Variants in SLCO6A1 observed in about 807,000 individuals in gnomAD.
SLCO6A1 encodes the protein cancer/testis antigen 48.
A neutral mutation model predicts 72.7 loss-of-function variants in SLCO6A1; 65 were observed. That is an observed-to-expected ratio of 0.89 (90% confidence interval 0.73 to 1.10). The LOEUF is 1.10. SLCO6A1 is among the 50% of genes least tolerant of loss of function. SLCO6A1 has a pLI of 0.00. For synonymous variants in SLCO6A1, 314 were observed against 298.2 expected (o/e 1.05, Z -0.55); for missense variants, 874 against 872.6 (o/e 1.00, Z -0.02).
In SLCO6A1 at chr5:102,419,934, A is replaced by T. The variant is rs549494351; in HGVS notation, c.1364T>A (p.Met455Lys). 1.2e-6 allele frequency: 2 copies of T among 1,609,210 alleles called. No homozygotes were observed. Among genetic ancestry groups the T allele is most frequent in the African/African-American group, 2.7e-5 (2 of 74,742 alleles). The change falls in exon 8 of 14, where the codon ATG becomes AAG. Residue 455 changes from methionine to lysine, a missense_variant. Coordinates refer to ENST00000506729, the MANE Select transcript of SLCO6A1 (RefSeq NM_173488.5). ...STLEMSCKAL[M>K]RFIMVTSVIS... ...CACAGATGTAACCATTATAAATCTC[A>T]TAAGGGCTTTACAAGACATTTCTAA...
intron 1 of SLCO6A1, among the ~76,000 whole-genome samples, chr5:102,498,028 T>A (rs1264296397): frequency 6.6e-6 from 1 of 152,012 alleles, no homozygotes; most frequent in Non-Finnish European, 1.5e-5. Context: ...AGTTCTGCCA[T>A]CCCACCCAGG....
At chr5:102,464,190 G>A (rs1344873143) in intron 4 of SLCO6A1, among the ~76,000 whole-genome samples, 1 of 151,624 alleles carries the variant, frequency 6.6e-6, no homozygotes, top group East Asian at 1.9e-4. Context: ...AAAAACTATC[G>A]AAATAAAAAA....
intron 3 of SLCO6A1, among the ~76,000 whole-genome samples, chr5:102,476,659 A>G (rs941129890): frequency 4.6e-5 from 7 of 152,096 alleles, no homozygotes; most frequent in Admixed American, 1.3e-4. Flanking sequence ...TATATAATTC[A>G]TTATACTTTA....
In SLCO6A1 at chr5:102,489,142, C is replaced by T. The variant is rs572139596; in HGVS notation, c.359-8708G>A. Among the ~76,000 whole-genome samples, 318 of 152,284 alleles carry T rather than the reference C, an allele frequency of 2.1e-3. 3 individuals are homozygous for T. The highest frequency in any genetic ancestry group is 7.3e-3 in the African/African-American group (302 of 41,550). ...ATGCTCAAGAGCTTCTGCAATAGTT[C>T]CCAAGAGCTGCATCAGCCTGCAGGA... On this transcript the variant is annotated intron_variant, in intron 1 of 13. Coordinates refer to ENST00000506729, the MANE Select transcript of SLCO6A1 (RefSeq NM_173488.5).
rs532570359 is a variant in SLCO6A1 at position 102,485,548 on chromosome 5, T to C, written c.359-5114A>G. Among the ~76,000 whole-genome samples the C allele has an allele frequency of 2.6e-5, 4 of 152,320 alleles. No homozygotes were observed. The South Asian group carries it at 8.3e-4, about 32-fold the overall frequency. On this transcript the variant is annotated intron_variant, in intron 1 of 13. Coordinates refer to ENST00000506729, the MANE Select transcript of SLCO6A1 (RefSeq NM_173488.5). Reference sequence around the variant, plus strand: ...CAGAGGTTTTGCATGCCTACATGACTGACAGAAAAACCCTGACCATGAAGG... The same window carrying C: ...CAGAGGTTTTGCATGCCTACATGACCGACAGAAAAACCCTGACCATGAAGG...
intron 1 of SLCO6A1, among the ~76,000 whole-genome samples, chr5:102,497,939 C>T (rs948457095): frequency 6.6e-6 from 1 of 152,146 alleles, no homozygotes. Context: ...AAAACCGAAG[C>T]TCGGTGCTTG....
intron 1 of SLCO6A1, among the ~76,000 whole-genome samples, chr5:102,485,157 A>G (rs1390274771): frequency 6.6e-6 from 1 of 152,114 alleles, no homozygotes; most frequent in Non-Finnish European, 1.5e-5. Flanking sequence ...AGACTGAGGC[A>G]GGAGAATCGT....
chr5:102,457,914 A>T (rs1195578220), intron 6 of SLCO6A1, among the ~76,000 whole-genome samples: 1 of 152,194 alleles, frequency 6.6e-6, no homozygotes, highest in Admixed American at 6.5e-5. Context: ...ATGGAATACT[A>T]TGCAGCCATA....
At chr5:102,474,232 C>G (rs1293637922) in intron 4 of SLCO6A1, among the ~76,000 whole-genome samples, 1 of 151,916 alleles carries the variant, frequency 6.6e-6, no homozygotes. Flanking sequence ...GACCGACACA[C>G]AGACCAATGA....
At chr5:102,469,321 G>A (rs951124647) in intron 4 of SLCO6A1, among the ~76,000 whole-genome samples, 7 of 152,028 alleles carry the variant, frequency 4.6e-5, no homozygotes, top group Non-Finnish European at 8.8e-5. Context: ...ATTTGTTTGT[G>A]TCCTTTTTTA....
chr5:102,421,236 A>G (rs937568020), intron 7 of SLCO6A1, among the ~76,000 whole-genome samples: 1 of 150,620 alleles, frequency 6.6e-6, no homozygotes, highest in African/African-American at 2.4e-5. Flanking sequence ...TTTTTTTTTC[A>G]TACCCCAGTG....
Position 102,405,716 on chromosome 5 carries a change from C to A in SLCO6A1, c.1627-5974G>T, listed in dbSNP as rs10054879. On this transcript the variant is annotated intron_variant, in intron 9 of 13. Transcript: ENST00000506729. Reference sequence around the variant, plus strand: ...GCTTAAGGTAAATGATGATGCTGAGCGAAACTCACATCTTCATGAATGATG... The same window carrying A: ...GCTTAAGGTAAATGATGATGCTGAGAGAAACTCACATCTTCATGAATGATG... Among the ~76,000 whole-genome samples the A allele has an allele frequency of 1.3e-4, 20 of 151,854 alleles. No individual in the cohort carries two copies. In the South Asian group the frequency reaches 4.1e-3, roughly 31 times the overall value.
intron 7 of SLCO6A1, among the ~76,000 whole-genome samples, chr5:102,424,661 G>A (rs1487080236): frequency 2.0e-5 from 3 of 152,174 alleles, no homozygotes; most frequent in African/African-American, 7.2e-5. Context: ...CCCAGGATCA[G>A]ATGGATCGAC....
At chr5:102,395,521 A>G (rs1747023454) in intron 10 of SLCO6A1, among the ~76,000 whole-genome samples, 1 of 152,120 alleles carries the variant, frequency 6.6e-6, no homozygotes, top group Non-Finnish European at 1.5e-5. Flanking sequence ...GTGTCTTTAT[A>G]GCAGCATGAT....
At chr5:102,420,151 G>A (rs896290218) in intron 7 of SLCO6A1, 130 bp from the exon 8 acceptor site, 1 of 805,840 alleles carries the variant, frequency 1.2e-6, no homozygotes, top group Non-Finnish European at 1.8e-6. Context: ...GACAGAAAAT[G>A]TACAGTTATG....
intron 6 of SLCO6A1, among the ~76,000 whole-genome samples, chr5:102,452,670 T>C (rs1386954992): frequency 1.3e-5 from 2 of 152,176 alleles, no homozygotes; most frequent in African/African-American, 4.8e-5. Flanking sequence ...CATAATGACC[T>C]GCAAGAAACA....
intron 12 of SLCO6A1, among the ~76,000 whole-genome samples, chr5:102,377,367 G>T (rs1189691776): frequency 6.6e-6 from 1 of 152,008 alleles, no homozygotes; most frequent in Non-Finnish European, 1.5e-5. Flanking sequence ...AATTAAGCAA[G>T]ATACACACGT....
Position 102,477,689 on chromosome 5 carries a change from A to T in SLCO6A1, c.789T>A (p.Ala263=). 6.2e-7 allele frequency: 1 copy of T among 1,611,950 alleles called. No homozygotes were observed. Among genetic ancestry groups the T allele is most frequent in the Non-Finnish European group, 8.5e-7 (1 of 1,179,250 alleles). ...GGTAAAACTTGCCTAAATAGATACC[A>T]GCTGAGTGTGTAGCAACATTCTCAT... ...FIDENVATHS[A]GIYLGIAECT... Residue 263 remains alanine, a synonymous_variant, in exon 3 of 14, where the codon GCT becomes GCA. Transcript: ENST00000506729.
At chr5:102,427,187 A>C (rs1366868268) in intron 7 of SLCO6A1, among the ~76,000 whole-genome samples, 1 of 152,136 alleles carries the variant, frequency 6.6e-6, no homozygotes, top group African/African-American at 2.4e-5. Flanking sequence ...TAAAAACTCA[A>C]ATCTCAGGAT....
Sources: gnomAD v4.1 joint callset for allele counts (sites outside exome capture counted in the v4.1 genomes callset) on GRCh38, gnomAD v4.1.1 for gene constraint, MANE v1.5 for transcripts, NCBI Gene and HGNC (gene_info 2026-07-23, HGNC 2026-07-21) for gene names.